The following SLC22A23 variants were observed in gnomAD, a reference collection of about 807,000 sequenced individuals.
SLC22A23 encodes the protein solute carrier family 22 member 23, also known as ion transporter protein.
Under a neutral mutation model 61.0 loss-of-function variants are expected in SLC22A23, and 26 were observed. That is an observed-to-expected ratio of 0.43 (90% CI 0.31 to 0.59). The LOEUF (loss-of-function observed/expected upper bound fraction) is 0.59. SLC22A23 is among the 20% of genes least tolerant of loss of function. The pLI, the probability that SLC22A23 is intolerant of heterozygous loss-of-function variation, is 0.11. For missense variants in SLC22A23, 796 were observed against 934.7 expected (o/e 0.85, Z 1.94); for synonymous variants, 430 against 413.9 (o/e 1.04, Z -0.47).
intron 3 of SLC22A23, among the ~76,000 whole-genome samples, chr6:3,359,458 G>A (rs1341320028): frequency 1.3e-5 from 2 of 152,164 alleles, no homozygotes; most frequent in Non-Finnish European, 2.9e-5. Context: ...CACTGTCATC[G>A]GGGAAATGTA....
In SLC22A23 at chr6:3,303,104, A is replaced by G. The variant is rs1049643557; in HGVS notation, c.1083-4886T>C. 1.3e-5 allele frequency: 2 copies of G among 152,242 alleles called. 1 individual carries two copies. The highest frequency in any genetic ancestry group is 4.1e-4 in the South Asian group (2 of 4,834). 9.4% of individuals were successfully genotyped at this position (152,242 alleles called of 1,614,324 possible). ...AATGGCCAACAAACATATATTAAAAAAAGCTCAACATCACTAATCATCAGA... is the reference window on the plus strand; with the variant it reads ...AATGGCCAACAAACATATATTAAAAGAAGCTCAACATCACTAATCATCAGA... On this transcript the variant is annotated intron_variant, in intron 4 of 9. Coordinates refer to ENST00000406686, the MANE Select transcript of SLC22A23 (RefSeq NM_015482.2).
intron 4 of SLC22A23, chr6:3,312,448 G>A (rs2127382738): frequency 6.6e-6 from 1 of 152,272 alleles, no homozygotes; most frequent in Middle Eastern, 3.4e-3. Flanking sequence ...GTAGGCAGAG[G>A]AACAAGGGCA....
intron 3 of SLC22A23, among the ~76,000 whole-genome samples, chr6:3,391,707 T>G (rs1217428527): frequency 6.6e-6 from 1 of 152,084 alleles, no homozygotes; most frequent in Non-Finnish European, 1.5e-5. Context: ...AATACACAAA[T>G]AAATGAAGGT....
rs768131961 is a variant in SLC22A23 at position 3,324,023 on chromosome 6, G to C, written c.914-21C>G. ...TATTCCTAGAACACAGAACCAATGA[G>C]AGAGAGATGAGTGCCCTGCTCGACA... On this transcript the variant is annotated intron_variant, in intron 3 of 9. Transcript: ENST00000406686. This position sits in a 1 kb window ranked among gnomAD's most constrained non-coding sequence, Gnocchi z 4.3. 5.8e-5 allele frequency: 93 copies of C among 1,610,324 alleles called. No individual in the cohort carries two copies. Among genetic ancestry groups the C allele is most frequent in the Non-Finnish European group, 7.1e-5 (83 of 1,177,038 alleles).
chr6:3,418,058 A>G (rs1174050921), intron 1 of SLC22A23, among the ~76,000 whole-genome samples: 1 of 152,232 alleles, frequency 6.6e-6, no homozygotes, highest in Non-Finnish European at 1.5e-5. Context: ...GTGGGTGCAC[A>G]TTCTGTTTTT....
chr6:3,278,433 G>C (rs1213425094), intron 9 of SLC22A23, among the ~76,000 whole-genome samples: 3 of 152,214 alleles, frequency 2.0e-5, no homozygotes, highest in Non-Finnish European at 2.9e-5. Flanking sequence ...CTCCCAGGCT[G>C]AGGGTCCCAG....
chr6:3,279,587 T>C (rs1419916816), intron 9 of SLC22A23, among the ~76,000 whole-genome samples: 2 of 149,456 alleles, frequency 1.3e-5, no homozygotes, highest in Admixed American at 1.3e-4. Context: ...GAAGTTGGTA[T>C]GCCATTTTTG....
chr6:3,343,055 T>C (rs1764236895), intron 3 of SLC22A23, among the ~76,000 whole-genome samples: 1 of 152,236 alleles, frequency 6.6e-6, no homozygotes, highest in Non-Finnish European at 1.5e-5. Context: ...ACTTCTCATC[T>C]TCACCTCTGC....
At chr6:3,400,303 T>G (rs1768293880) in intron 3 of SLC22A23, among the ~76,000 whole-genome samples, 1 of 152,230 alleles carries the variant, frequency 6.6e-6, no homozygotes, top group South Asian at 2.1e-4. Flanking sequence ...CCAGTTATTC[T>G]GCTATTCTAA....
chr6:3,453,425 C>T (rs9392497), intron 1 of SLC22A23, among the ~76,000 whole-genome samples: 7,771 of 152,194 alleles, frequency 0.051, 217 homozygotes, highest in East Asian at 0.082. Flanking sequence ...TGGATAACTT[C>T]ATGTTAGAGA....
chr6:3,402,430 A>C (rs9405638), intron 3 of SLC22A23, among the ~76,000 whole-genome samples: 2,363 of 35,370 alleles, frequency 0.067, 36 homozygotes, highest in African/African-American at 0.12. Context: ...CCCAATCACC[A>C]ACACTACCCA....
intron 3 of SLC22A23, among the ~76,000 whole-genome samples, chr6:3,405,765 C>T (rs918765909): frequency 3.3e-5 from 5 of 152,080 alleles, no homozygotes; most frequent in Non-Finnish European, 5.9e-5. Flanking sequence ...CCATCCAACA[C>T]CAGCACATTA....
intron 9 of SLC22A23, 67 bp downstream of exon 9, chr6:3,283,785 T>C (rs1451697891): frequency 6.2e-7 from 1 of 1,602,898 alleles, no homozygotes; most frequent in African/African-American, 1.3e-5. Flanking sequence ...CACACCAGCC[T>C]GGAGCCAGGG....
intron 3 of SLC22A23, among the ~76,000 whole-genome samples, chr6:3,352,563 A>G (rs568118928): frequency 3.9e-5 from 6 of 152,276 alleles, no homozygotes; most frequent in Admixed American, 6.5e-5. Context: ...CGGCCATAAC[A>G]AAAGGGAGAA....
chr6:3,273,461 G>A (rs753210634), intron 9 of SLC22A23, 49 bp from the exon 10 acceptor site: 12 of 1,594,336 alleles, frequency 7.5e-6, no homozygotes, highest in Middle Eastern at 1.9e-4. Flanking sequence ...CTAGCGGGCT[G>A]GATCCCGGGA....
At chr6:3,451,888 T>C (rs1772170584) in intron 1 of SLC22A23, among the ~76,000 whole-genome samples, 1 of 152,226 alleles carries the variant, frequency 6.6e-6, no homozygotes, top group South Asian at 2.1e-4. Flanking sequence ...ACACATTCAG[T>C]AGAAACTGTA....
chr6:3,392,996 C>T (rs943105966), intron 3 of SLC22A23, among the ~76,000 whole-genome samples: 2 of 148,260 alleles, frequency 1.3e-5, no homozygotes, highest in Non-Finnish European at 3.0e-5. Context: ...AGCCCCAGAT[C>T]CAACCTTTGG....
intron 8 of SLC22A23, among the ~76,000 whole-genome samples, chr6:3,284,375 T>G (rs993397458): frequency 1.3e-5 from 2 of 152,116 alleles, no homozygotes; most frequent in African/African-American, 4.8e-5. Context: ...CAGGGTTGAT[T>G]TAAGGAAACA....
In SLC22A23 at chr6:3,273,227, A is replaced by G. The variant is rs1253645524; in HGVS notation, c.1889T>C (p.Ile630Thr). 6 of 1,612,844 alleles carry G rather than the reference A, an allele frequency of 3.7e-6. No individual in the cohort carries two copies. Among genetic ancestry groups the G allele is most frequent in the Non-Finnish European group, 5.1e-6 (6 of 1,179,242 alleles). ...GCGCGTGTAGTGCTCCCCGTTAGAA[A>G]TGTTCTCAGGCAGGTTCTGGTCCCT... ...ESRDQNLPEN[I>T]SNGEHYTRQP... The change falls in exon 10 of 10, where the codon ATT (isoleucine) becomes ACT (threonine). Residue 630 changes from isoleucine to threonine, a missense_variant. By Grantham distance (89) the Ile-to-Thr change is moderately conservative (BLOSUM62 -1). Transcript: ENST00000406686.
Sources: gnomAD v4.1 joint callset for allele counts (sites outside exome capture counted in the v4.1 genomes callset) on GRCh38, gnomAD v4.1.1 for gene constraint, Gnocchi (gnomAD v3.1) non-coding constraint, MANE v1.5 for transcripts, NCBI Gene and HGNC (gene_info 2026-07-23, HGNC 2026-07-21) for gene names.